ASB15: variants seen among roughly 807,000 people sequenced by gnomAD.
ASB15 encodes ankyrin repeat and SOCS box containing 15.
In ASB15, 54 loss-of-function variants were observed where a neutral mutation model predicts 58.0. The observed-to-expected ratio is 0.93, with a 90% CI of 0.75 to 1.17. The LOEUF (loss-of-function observed/expected upper bound fraction) is 1.17. ASB15 is among the 50% of genes most tolerant of loss of function. ASB15 has a pLI of 0.00. For missense variants in ASB15, 680 were observed against 707.4 expected (o/e 0.96, Z 0.44); for synonymous variants, 249 against 262.4 (o/e 0.95, Z 0.50).
intron 11 of ASB15, among the ~76,000 whole-genome samples, chr7:123,631,025 T>G (rs913603282): frequency 5.3e-5 from 8 of 152,176 alleles, no homozygotes; most frequent in Non-Finnish European, 4.4e-5. Flanking sequence ...TGGCCTTGCC[T>G]AGGAGTAGGA....
intron 2 of ASB15, among the ~76,000 whole-genome samples, chr7:123,607,183 A>G (rs908457078): frequency 4.6e-5 from 7 of 152,216 alleles, no homozygotes; most frequent in African/African-American, 1.7e-4. Context: ...TAAATTGTCA[A>G]CTATACTTCA....
intron 1 of ASB15, among the ~76,000 whole-genome samples, chr7:123,586,246 T>G (rs1185946434): frequency 6.6e-6 from 1 of 151,836 alleles, no homozygotes; most frequent in Non-Finnish European, 1.5e-5. Flanking sequence ...ACTTGCTATC[T>G]TTTGACTTTT....
upstream of ASB15, among the ~76,000 whole-genome samples, chr7:123,597,699 C>T (rs1052643767): frequency 2.0e-5 from 3 of 152,040 alleles, no homozygotes; most frequent in South Asian, 2.1e-4. Flanking sequence ...GACGTGGTGG[C>T]ACACACCTGT....
chr7:123,589,245 G>A (rs1280374329), intron 1 of ASB15, among the ~76,000 whole-genome samples: 2 of 151,194 alleles, frequency 1.3e-5, no homozygotes, highest in Non-Finnish European at 3.0e-5. Flanking sequence ...AATTACAATT[G>A]TTATTTTCTC....
intron 1 of ASB15, among the ~76,000 whole-genome samples, chr7:123,584,421 C>T (rs1367445459): frequency 6.6e-6 from 1 of 151,782 alleles, no homozygotes; most frequent in African/African-American, 2.4e-5. Context: ...TTCTAAAGCT[C>T]CCCAGGTGAT....
rs919201319 is a variant in ASB15 at position 123,604,206 on chromosome 7, G to GA, written c.-65dup. ...AGTGTAGCTCTGAGAAAGAGAACCA[G>GA]AAAAAGGTAAGAGAAGTAGAAACAT... is the stretch of plus-strand genomic sequence containing the variant. On this transcript the variant is annotated 5_prime_UTR_variant, in exon 2 of 12. Coordinates refer to ENST00000451215, the MANE Select transcript of ASB15 (RefSeq NM_001290258.2). The GA allele has an allele frequency of 6.6e-6, 1 of 152,092 alleles. No individual in the cohort carries two copies. Among genetic ancestry groups the GA allele is most frequent in the African/African-American group, 2.4e-5 (1 of 41,406 alleles). 9.4% of individuals were successfully genotyped at this position (152,092 alleles called of 1,614,324 possible).
chr7:123,574,903 C>T (rs1799021304), intron 1 of ASB15, among the ~76,000 whole-genome samples: 1 of 151,838 alleles, frequency 6.6e-6, no homozygotes, highest in African/African-American at 2.4e-5. Context: ...CTACATCATA[C>T]TTGTTTAACT....
At chr7:123,617,481 G>A in intron 6 of ASB15, 98 bp from the exon 7 acceptor site, 1 of 1,090,398 alleles carries the variant, frequency 9.2e-7, no homozygotes, top group East Asian at 2.5e-5. Flanking sequence ...AATTGACTTT[G>A]TTCAATCCGA....
chr7:123,602,392 G>A (rs1007356587), intron 1 of ASB15, among the ~76,000 whole-genome samples: 1 of 151,946 alleles, frequency 6.6e-6, no homozygotes, highest in African/African-American at 2.4e-5. Context: ...AAAATAAACC[G>A]AATAGAATTG....
chr7:123,624,469 G>C (rs1801630390), intron 7 of ASB15, 100 bp from the exon 8 acceptor site: 2 of 1,164,732 alleles, frequency 1.7e-6, no homozygotes, highest in Admixed American at 4.5e-5. Context: ...AAAGTTACTA[G>C]CTAGTATCTA....
chr7:123,587,475 G>T (rs1452087383), intron 1 of ASB15, among the ~76,000 whole-genome samples: 2 of 150,784 alleles, frequency 1.3e-5, no homozygotes, highest in African/African-American at 4.9e-5. Context: ...TTTATACATG[G>T]TATTATGTCA....
Position 123,616,368 on chromosome 7 carries a change from C to A in ASB15, c.165C>A (p.His55Gln), listed in dbSNP as rs1304828071. The change falls in exon 6 of 12, where the codon CAC becomes CAA. Residue 55 changes from histidine (H) to glutamine (Q), a missense_variant. Transcript: ENST00000451215. ...CAGTCCATGTGTTTAATTTAGGTCA[C>A]ATTCCTGAGCTCCAGGAGTATGTAA... ...RKLVEAIKQG[H>Q]IPELQEYVKY... 5.6e-6 allele frequency: 9 copies of A among 1,609,986 alleles called. No individual in the cohort carries two copies. The Admixed American group carries it at 1.0e-4, about 18-fold the overall frequency.
chr7:123,575,577 A>G (rs1799040905), intron 1 of ASB15, among the ~76,000 whole-genome samples: 1 of 152,024 alleles, frequency 6.6e-6, no homozygotes, highest in African/African-American at 2.4e-5. Context: ...CTACAGTGAA[A>G]TATTTTCAAT....
chr7:123,582,525 T>C (rs1216124107), intron 1 of ASB15, among the ~76,000 whole-genome samples: 1 of 152,024 alleles, frequency 6.6e-6, no homozygotes, highest in African/African-American at 2.4e-5. Context: ...TCCTGCTCAT[T>C]GTCTGTAGGT....
intron 1 of ASB15, among the ~76,000 whole-genome samples, chr7:123,581,361 G>T (rs1370671868): frequency 6.7e-6 from 1 of 149,530 alleles, no homozygotes; most frequent in Non-Finnish European, 1.5e-5. Flanking sequence ...CCCTTCTTGG[G>T]CATTGTGAGA....
rs1343995731 is a variant in ASB15 at position 123,639,168 on chromosome 7, T to C, written c.*2187T>C. ...TAAACAGTAATATCTCACTGGTCTG[T>C]AAAGTTTTCAAGTTGTATTTAGCTT... On this transcript the variant is annotated 3_prime_UTR_variant, in exon 12 of 12. Transcript: ENST00000451215. The C allele has an allele frequency of 6.6e-6, 1 of 152,196 alleles. No homozygotes were observed. The highest frequency in any genetic ancestry group is 1.5e-5 in the Non-Finnish European group (1 of 68,040). 9.4% of individuals were successfully genotyped at this position (152,196 alleles called of 1,614,324 possible).
chr7:123,624,994 GCTAAGCCCTATACATTGTGAC>G lies in ASB15; in HGVS notation c.697+184_697+204del, dbSNP rs1801680308. ...CAGTAGACCCTTATTCTACAACTCAGCTAAGCCCTATACATTGTGACCTACGAATTTACAAGCCCAGTCCTG... is the reference window on the plus strand; with the variant it reads ...CAGTAGACCCTTATTCTACAACTCAGCTACGAATTTACAAGCCCAGTCCTG... On this transcript the variant is annotated intron_variant, in intron 8 of 11. Transcript: ENST00000451215. 7.2e-6 allele frequency: 5 copies of G among 689,968 alleles called. No homozygotes were observed. In the East Asian group the frequency reaches 1.4e-4, roughly 20 times the overall value. 42.7% of individuals were successfully genotyped at this position (689,968 alleles called of 1,614,324 possible).
intron 6 of ASB15, among the ~76,000 whole-genome samples, 158 bp downstream of exon 6, chr7:123,616,653 G>A (rs937127612): frequency 1.3e-5 from 2 of 152,060 alleles, no homozygotes; most frequent in Non-Finnish European, 2.9e-5. Context: ...TAAACTCAGA[G>A]TATAAAAATT....
intron 1 of ASB15, among the ~76,000 whole-genome samples, chr7:123,568,823 C>T (rs1291347395): frequency 6.6e-6 from 1 of 151,906 alleles, no homozygotes; most frequent in African/African-American, 2.4e-5. Context: ...AATACCTTAA[C>T]ATAATTTAGA....
Sources: gnomAD v4.1 joint callset for allele counts (sites outside exome capture counted in the v4.1 genomes callset) on GRCh38, gnomAD v4.1.1 for gene constraint, MANE v1.5 for transcripts, NCBI Gene and HGNC (gene_info 2026-07-23, HGNC 2026-07-21) for gene names.